The following MLLT3 variants were observed in gnomAD, a reference collection of about 807,000 sequenced individuals.
MLLT3 encodes the protein MLLT3 super elongation complex subunit, also known as protein AF-9.
MLLT3 carries 4 observed loss-of-function variants against 53.2 expected under a neutral mutation model. That is an observed-to-expected ratio of 0.08 (90% CI 0.04 to 0.17). MLLT3 has a LOEUF of 0.17. Ranked by LOEUF, MLLT3 falls within the 10% of genes least tolerant of loss-of-function variation. The pLI, the probability that MLLT3 is intolerant of heterozygous loss-of-function variation, is 1.00. For missense variants in MLLT3, 569 were observed against 684.0 expected, an observed-to-expected ratio of 0.83 and a Z score of 1.87; for synonymous variants, 283 against 230.6, an observed-to-expected ratio of 1.23 and a Z score of -2.06.
At chr9:20,431,386 G>T (rs1422719257) in intron 4 of MLLT3, among the ~76,000 whole-genome samples, 1 of 151,992 alleles carries the variant, frequency 6.6e-6, no homozygotes, top group Non-Finnish European at 1.5e-5. Context: ...CTAGAGTTTG[G>T]GAACCACTGA....
intron 7 of MLLT3, chr9:20,362,559 G>A (rs913811812): frequency 1.3e-5 from 2 of 152,140 alleles, no homozygotes; most frequent in African/African-American, 4.8e-5. Flanking sequence ...TGGTCTGAGA[G>A]ACAAGGAGAG....
At chr9:20,480,744 C>T (rs576114937) in intron 2 of MLLT3, among the ~76,000 whole-genome samples, 1 of 152,238 alleles carries the variant, frequency 6.6e-6, no homozygotes, top group East Asian at 1.9e-4. Flanking sequence ...AACCTTTGTA[C>T]ACTTTTGGAA....
intron 2 of MLLT3, among the ~76,000 whole-genome samples, chr9:20,457,579 T>C (rs1228961468): frequency 6.6e-6 from 1 of 152,076 alleles, no homozygotes; most frequent in Non-Finnish European, 1.5e-5. Flanking sequence ...TGCCATCCTC[T>C]TTCCTTAGAA....
intron 4 of MLLT3, among the ~76,000 whole-genome samples, chr9:20,423,113 A>G (rs1322640507): frequency 6.6e-6 from 1 of 152,146 alleles, no homozygotes; most frequent in Non-Finnish European, 1.5e-5. Flanking sequence ...GCTGGAGTGC[A>G]GTGACCTTCT....
At chr9:20,565,938 T>A (rs866987773) in intron 2 of MLLT3, among the ~76,000 whole-genome samples, 1,266 of 11,852 alleles carry the variant, frequency 0.11, 96 homozygotes, top group African/African-American at 0.3. Context: ...ATATATATAT[T>A]TATATATATA....
chr9:20,507,863 A>T (rs940053099), intron 2 of MLLT3, among the ~76,000 whole-genome samples: 4 of 152,240 alleles, frequency 2.6e-5, no homozygotes, highest in Non-Finnish European at 4.4e-5. Context: ...TCACAATAAG[A>T]ATCTATAACA....
intron 2 of MLLT3, among the ~76,000 whole-genome samples, chr9:20,461,044 A>ATTAC (rs1001065336): frequency 2.6e-5 from 4 of 152,094 alleles, no homozygotes; most frequent in Non-Finnish European, 5.9e-5. Context: ...CCATCCACAC[A>ATTAC]TTACTACCCA....
intron 4 of MLLT3, among the ~76,000 whole-genome samples, chr9:20,432,281 T>A (rs1403960377): frequency 6.6e-6 from 1 of 152,212 alleles, no homozygotes; most frequent in Non-Finnish European, 1.5e-5. Flanking sequence ...TGAATAATTT[T>A]ATAATATTAA....
intron 4 of MLLT3, among the ~76,000 whole-genome samples, chr9:20,434,378 A>C (rs1187424073): frequency 1.3e-5 from 2 of 152,214 alleles, no homozygotes; most frequent in Non-Finnish European, 2.9e-5. Context: ...TTACAAGTGT[A>C]AATGTGAGAT....
Position 20,526,113 on chromosome 9 carries a change from A to C in MLLT3, c.194-69327T>G, listed in dbSNP as rs1818195152. 1.3e-5 allele frequency among the ~76,000 whole-genome samples: 2 copies of C among 152,212 alleles called. 1 individual carries two copies. The highest frequency in any genetic ancestry group is 4.1e-4 in the South Asian group (2 of 4,832). On this transcript the variant is annotated intron_variant, in intron 2 of 10. Coordinates refer to ENST00000380338, the MANE Select transcript of MLLT3 (RefSeq NM_004529.4). ...GGGTATAAAAATCACGTAAAACCAA[A>C]AGATGTGTTCATTAGGCACCCATGA...
chr9:20,354,897 C>T lies in MLLT3; in HGVS notation c.1432-18G>A, dbSNP rs370451944. ...TCAAGAATCTAGGGATCAAAGAGAA[C>T]GCTGTGTTAAATTTTATTTCAAGCA... On this transcript the variant is annotated intron_variant, in intron 8 of 10. Coordinates refer to ENST00000380338, the MANE Select transcript of MLLT3 (RefSeq NM_004529.4). 1.5e-5 allele frequency: 24 copies of T among 1,593,104 alleles called. No homozygotes were observed. The highest frequency in any genetic ancestry group is 8.1e-5 in the African/African-American group (6 of 74,342).
chr9:20,422,818 TG>T (rs745714015), intron 4 of MLLT3, among the ~76,000 whole-genome samples: 1 of 152,172 alleles, frequency 6.6e-6, no homozygotes, highest in Non-Finnish European at 1.5e-5. Context: ...GAAGGTCATC[TG>T]GTAGCAATGT....
At chr9:20,599,863 C>T (rs992253036) in intron 2 of MLLT3, among the ~76,000 whole-genome samples, 2 of 152,076 alleles carry the variant, frequency 1.3e-5, no homozygotes, top group South Asian at 4.2e-4. Context: ...GTCTTGGATG[C>T]CACGTCTGTA....
intron 2 of MLLT3, among the ~76,000 whole-genome samples, chr9:20,608,895 A>T (rs1453937742): frequency 6.6e-6 from 1 of 152,026 alleles, no homozygotes; most frequent in Non-Finnish European, 1.5e-5. Context: ...ACTTATATTA[A>T]CATTCTACGA....
chr9:20,560,628 G>A (rs1298552484), intron 2 of MLLT3, among the ~76,000 whole-genome samples: 1 of 152,138 alleles, frequency 6.6e-6, no homozygotes, highest in East Asian at 1.9e-4. Context: ...AGAAGAAGCT[G>A]GGTGTGAAGG....
At chr9:20,553,703 G>C (rs1818984147) in intron 2 of MLLT3, among the ~76,000 whole-genome samples, 1 of 152,042 alleles carries the variant, frequency 6.6e-6, no homozygotes, top group Admixed American at 6.6e-5. Context: ...CAAATTACTT[G>C]ACCTTTTAGA....
intron 5 of MLLT3, among the ~76,000 whole-genome samples, chr9:20,399,498 G>C (rs991686420): frequency 6.6e-6 from 1 of 152,184 alleles, no homozygotes; most frequent in East Asian, 1.9e-4. Context: ...CATCATCCAA[G>C]TATACATAAA....
intron 7 of MLLT3, 100 bp downstream of exon 7, chr9:20,363,376 C>A: frequency 1.4e-6 from 2 of 1,413,952 alleles, no homozygotes; most frequent in Non-Finnish European, 1.9e-6. Context: ...CATCTACTGC[C>A]GTTTTTGGTG....
intron 2 of MLLT3, among the ~76,000 whole-genome samples, chr9:20,543,831 T>A (rs1818710462): frequency 6.6e-6 from 1 of 152,150 alleles, no homozygotes; most frequent in South Asian, 2.1e-4. Flanking sequence ...GAACACAAAG[T>A]GAGCATATGC....
Sources: gnomAD v4.1 joint callset for allele counts (sites outside exome capture counted in the v4.1 genomes callset) on GRCh38, gnomAD v4.1.1 for gene constraint, MANE v1.5 for transcripts, NCBI Gene and HGNC (gene_info 2026-07-23, HGNC 2026-07-21) for gene names.